The following PABIR3 variants were observed in gnomAD, a reference collection of about 807,000 sequenced individuals.
The protein encoded by PABIR3 is PABIR family member 3, also known as PABIR family member 1.
Under a neutral mutation model 23.1 loss-of-function variants are expected in PABIR3, and 20 were observed. The ratio of observed to expected loss-of-function variants is 0.86; its 90% CI spans 0.61 to 1.26. The LOEUF (loss-of-function observed/expected upper bound fraction) is 1.26. Ranked by LOEUF, PABIR3 falls within the 50% of genes most tolerant of loss-of-function variation. The pLI is 0.00. For missense variants in PABIR3, 189 were observed against 195.4 expected (o/e 0.97, Z 0.20); for synonymous variants, 69 against 68.5 (o/e 1.01, Z -0.04).
At chrX:134,809,684 C>T in intron 2 of PABIR3, 1 of 708,141 alleles carries the variant, frequency 1.4e-6, no homozygotes, top group Admixed American at 8.7e-5. Flanking sequence ...GCTTTACCCT[C>T]CTTGTTTAAC....
At position 134,854,456 on chromosome X, in the gene PABIR3, A is replaced by G. The variant is rs761530510; in HGVS notation, c.*239A>G. ...ATAACATGTTAAAGATGTTTTCCAA[A>G]TCAGAACCATGTTGAAGATACAAGC... On this transcript the variant is annotated 3_prime_UTR_variant, in exon 11 of 11. Coordinates refer to ENST00000645433, the MANE Select transcript of PABIR3 (RefSeq NM_001388447.1). 312 of 281,445 alleles carry G rather than the reference A, an allele frequency of 1.1e-3. No homozygotes were observed. The highest frequency in any genetic ancestry group is 1.7e-3 in the Non-Finnish European group (281 of 164,948). The allele number at this position is 281,445 out of a possible 1,213,427, so 23.2% of individuals were successfully genotyped here. A position where few individuals can be genotyped will look rare whatever the true frequency, so the allele number is the denominator to read the frequency against.
rs1001879967 is a variant in PABIR3 at position 134,854,484 on chromosome X, A to G, written c.*267A>G. The G allele has an allele frequency of 6.1e-5, 15 of 245,615 alleles. No individual in the cohort carries two copies. The Admixed American group carries it at 9.4e-4, about 15-fold the overall frequency. The allele number at this position is 245,615 out of a possible 1,213,427, so 20.2% of individuals were successfully genotyped here. A position where few individuals can be genotyped will look rare whatever the true frequency, so the allele number is the denominator to read the frequency against. The stretch of plus-strand genomic sequence containing the variant: ...AGAACCATGTTGAAGATACAAGCGT[A>G]AATTGTTAGGCTGCTATTTTCTAGA... On this transcript the variant is annotated 3_prime_UTR_variant, in exon 11 of 11. Coordinates refer to ENST00000645433, the MANE Select transcript of PABIR3 (RefSeq NM_001388447.1).
Position 134,854,427 on chromosome X carries a change from T to C in PABIR3, c.*210T>C, listed in dbSNP as rs2082732639. 1 of 322,705 alleles carries C rather than the reference T, an allele frequency of 3.1e-6. No individual in the cohort carries two copies. Among genetic ancestry groups the C allele is most frequent in the Non-Finnish European group, 5.2e-6 (1 of 193,922 alleles). The allele number at this position is 322,705 out of a possible 1,213,427, so 26.6% of individuals were successfully genotyped here. A position where few individuals can be genotyped will look rare whatever the true frequency, so the allele number is the denominator to read the frequency against. On this transcript the variant is annotated 3_prime_UTR_variant, in exon 11 of 11. Coordinates refer to ENST00000645433, the MANE Select transcript of PABIR3 (RefSeq NM_001388447.1). ...TTCTTGTGTACATCCTTAAATTTAA[T>C]GTAATAACATGTTAAAGATGTTTTC...
chrX:134,844,283 C>T, intron 4 of PABIR3: 1 of 111,224 alleles, frequency 9.0e-6, no homozygotes, highest in Middle Eastern at 4.6e-3. Flanking sequence ...AATCCTCCAG[C>T]TTTGTGCATC....
intron 3 of PABIR3, among the ~76,000 whole-genome samples, chrX:134,826,071 G>A (rs2081491622): frequency 9.0e-6 from 1 of 110,754 alleles, no homozygotes; most frequent in East Asian, 2.8e-4. Context: ...TAAATAGATG[G>A]TGCTATTAGG....
upstream of PABIR3, among the ~76,000 whole-genome samples, chrX:134,803,890 CA>C (rs994015559): frequency 9.2e-6 from 1 of 108,853 alleles, no homozygotes; most frequent in Non-Finnish European, 1.9e-5. Flanking sequence ...TTATTAACAT[CA>C]TTCTTGCCTG....
intron 3 of PABIR3, among the ~76,000 whole-genome samples, chrX:134,821,050 GTA>G (rs755124334): frequency 1.0e-5 from 1 of 97,344 alleles, no homozygotes; most frequent in East Asian, 3.0e-4. Context: ...ACATATATAT[GTA>G]TATATATATA....
chrX:134,853,356 C>T (rs927853942), intron 10 of PABIR3, among the ~76,000 whole-genome samples: 8 of 112,126 alleles, frequency 7.1e-5, no homozygotes, highest in African/African-American at 3.2e-5. Context: ...GCGTGAGTCA[C>T]GTCACCTGGC....
intron 3 of PABIR3, among the ~76,000 whole-genome samples, chrX:134,819,800 G>T (rs1210533627): frequency 2.7e-5 from 3 of 110,988 alleles, no homozygotes; most frequent in African/African-American, 6.6e-5. Context: ...CAGGAAAATC[G>T]CTTGAACCCG....
chrX:134,858,787 A>T (rs954930604), downstream of PABIR3, among the ~76,000 whole-genome samples: 14 of 111,750 alleles, frequency 1.3e-4, no homozygotes, highest in Non-Finnish European at 1.9e-5. Flanking sequence ...GGTAAACAAG[A>T]TTGATTTCCA....
chrX:134,845,937 A>C lies in PABIR3; in HGVS notation c.345+536A>C, dbSNP rs923506867. On this transcript the variant is annotated intron_variant, in intron 6 of 10. Transcript: ENST00000645433. ...ATATATTAGGAGTCTTAAACCACAG[A>C]CAATAGACTCTCTAGAAAATTATTG... is the stretch of plus-strand genomic sequence containing the variant. Among the ~76,000 whole-genome samples the C allele has an allele frequency of 2.7e-5, 3 of 111,906 alleles. No homozygotes were observed. The Admixed American group carries it at 2.9e-4, about 11-fold the overall frequency.
intron 4 of PABIR3, among the ~76,000 whole-genome samples, chrX:134,833,484 A>G (rs1034367515): frequency 1.1e-4 from 12 of 111,927 alleles, no homozygotes; most frequent in Non-Finnish European, 2.3e-4. Context: ...TCCAAACACA[A>G]TCCAAATATG....
Position 134,836,477 on chromosome X carries a change from G to A in PABIR3, c.246+7195G>A, listed in dbSNP as rs2081978234. Among the ~76,000 whole-genome samples, 2 of 112,772 alleles carry A rather than the reference G, an allele frequency of 1.8e-5. 1 individual carries two copies. Among genetic ancestry groups the A allele is most frequent in the Admixed American group, 1.9e-4 (2 of 10,674 alleles). On this transcript the variant is annotated intron_variant, in intron 4 of 10. Coordinates refer to ENST00000645433, the MANE Select transcript of PABIR3 (RefSeq NM_001388447.1). ...ACATTTCTTAGGGCTAGAAGTCTGA[G>A]ATAAAGGTGTCAGTAGGGTTGATTC...
intron 2 of PABIR3, among the ~76,000 whole-genome samples, chrX:134,812,676 T>C (rs1045401499): frequency 4.5e-5 from 5 of 111,380 alleles, no homozygotes; most frequent in African/African-American, 1.6e-4. Flanking sequence ...ACAGCGGGAC[T>C]GGTGAGGGAG....
intron 10 of PABIR3, 66 bp downstream of exon 10, chrX:134,852,962 G>C: frequency 1.4e-6 from 1 of 729,301 alleles, no homozygotes; most frequent in Non-Finnish European, 1.9e-6. Flanking sequence ...AGTCTACTTT[G>C]GCTATTGTAC....
the PABIR3 span, among the ~76,000 whole-genome samples, chrX:134,862,663 A>G: frequency 1.8e-5 from 2 of 112,083 alleles, no homozygotes; most frequent in Non-Finnish European, 3.8e-5. Flanking sequence ...AAGAAACAAT[A>G]GAAGTTAAAT....
intron 1 of PABIR3, among the ~76,000 whole-genome samples, chrX:134,801,074 A>C (rs988051665): frequency 1.1e-4 from 12 of 112,737 alleles, no homozygotes; most frequent in African/African-American, 3.9e-4. Context: ...ACTGACCTAC[A>C]GCACAAGGTG....
intron 3 of PABIR3, among the ~76,000 whole-genome samples, chrX:134,819,205 G>C (rs2081149233): frequency 9.0e-6 from 1 of 110,599 alleles, no homozygotes; most frequent in African/African-American, 3.3e-5. Context: ...AAAGTACTGG[G>C]ATTACAGGCA....
intron 4 of PABIR3, among the ~76,000 whole-genome samples, chrX:134,842,880 A>G (rs1420904647): frequency 1.9e-5 from 2 of 106,149 alleles, no homozygotes; most frequent in Admixed American, 1.0e-4. Context: ...CCTGGGCAAC[A>G]GGAGCAAAAC....
Sources: allele counts gnomAD v4.1 joint callset (sites outside exome capture counted in the v4.1 genomes callset), GRCh38; gene constraint gnomAD v4.1.1; transcripts MANE v1.5; gene names NCBI Gene and HGNC (gene_info 2026-07-23, HGNC 2026-07-21).